Variants in FAM168A observed in about 807,000 individuals in gnomAD.
FAM168A encodes protein FAM168A.
A neutral mutation model predicts 28.5 loss-of-function variants in FAM168A; 3 were observed. That is an observed-to-expected ratio of 0.11 (90% CI 0.05 to 0.27). FAM168A has a LOEUF of 0.27. Ranked by LOEUF, FAM168A falls within the 10% of genes least tolerant of loss-of-function variation. The pLI is 1.00. For synonymous variants in FAM168A, 122 were observed against 124.2 expected, an observed-to-expected ratio of 0.98 and a Z score of 0.12; for missense variants, 222 against 311.5, an observed-to-expected ratio of 0.71 and a Z score of 2.16.
At chr11:73,510,921 G>T in intron 1 of FAM168A, 1 of 253,514 alleles carries the variant, frequency 3.9e-6, no homozygotes, top group Non-Finnish European at 7.5e-6. Context: ...GAATGGAAAA[G>T]TTGAAGCCAG....
chr11:73,451,662 C>T (rs1867432931), intron 2 of FAM168A, among the ~76,000 whole-genome samples: 1 of 152,220 alleles, frequency 6.6e-6, no homozygotes, highest in African/African-American at 2.4e-5. Flanking sequence ...GTTACAATTG[C>T]CTACATTATT....
At chr11:73,556,151 C>T (rs1213436795) in intron 1 of FAM168A, among the ~76,000 whole-genome samples, 4 of 1,998 alleles carry the variant, frequency 2.0e-3, no homozygotes, top group Non-Finnish European at 2.8e-3. Flanking sequence ...CAAGAACAGC[C>T]TGGGCAACAT....
chr11:73,566,237 T>C lies in FAM168A; in HGVS notation c.-19+31686A>G, dbSNP rs188813930. On this transcript the variant is annotated intron_variant, in intron 1 of 7. Coordinates refer to ENST00000356467, the MANE Select transcript of FAM168A (RefSeq NM_015159.3). ...GCATTTTTCCCTAAATTGTGTCTAT[T>C]GTAAATTAAAGTTATTCCTTTTCTA... is the stretch of plus-strand genomic sequence containing the variant. Among the ~76,000 whole-genome samples the C allele has an allele frequency of 2.6e-3, 390 of 152,358 alleles. 2 individuals are homozygous for C. The highest frequency in any genetic ancestry group is 0.01 in the East Asian group (52 of 5,192).
At chr11:73,456,820 T>C (rs1867541028) in intron 2 of FAM168A, among the ~76,000 whole-genome samples, 1 of 152,220 alleles carries the variant, frequency 6.6e-6, no homozygotes, top group Non-Finnish European at 1.5e-5. Flanking sequence ...TTTCAGAGAA[T>C]TTCAGCCTTT....
Position 73,560,895 on chromosome 11 carries a change from G to A in FAM168A, c.-19+37028C>T, listed in dbSNP as rs187446913. 3.7e-3 allele frequency among the ~76,000 whole-genome samples: 558 copies of A among 151,430 alleles called. 3 individuals carry two copies. The highest frequency in any genetic ancestry group is 0.013 in the African/African-American group (525 of 41,146). On this transcript the variant is annotated intron_variant, in intron 1 of 7. Transcript: ENST00000356467. ...CTGGCCAACCTGGTGAAAATGTCTC[G>A]ACTAAAAATACAAAAATTAGCCAGG...
At chr11:73,581,492 A>T (rs898010293) in intron 1 of FAM168A, among the ~76,000 whole-genome samples, 2 of 152,228 alleles carry the variant, frequency 1.3e-5, no homozygotes, top group African/African-American at 4.8e-5. Context: ...AGATTCACAG[A>T]GTACTTAAAC....
chr11:73,424,368 A>G (rs1181548542), intron 3 of FAM168A, among the ~76,000 whole-genome samples: 1 of 152,178 alleles, frequency 6.6e-6, no homozygotes, highest in Non-Finnish European at 1.5e-5. Context: ...GTCTATGACA[A>G]AAAGGACCTA....
rs192915116 is a variant in FAM168A at position 73,456,133 on chromosome 11, T to C, written c.70+12272A>G. 9.2e-5 allele frequency among the ~76,000 whole-genome samples: 14 copies of C among 152,280 alleles called. 1 individual carries two copies. In the East Asian group the frequency reaches 2.3e-3, roughly 25 times the overall value. On this transcript the variant is annotated intron_variant, in intron 2 of 7. Transcript: ENST00000356467. ...CATGAGGATTAAATGAAATAAAATATATAAAGCATGGATGCTTCAAAGATT... is the reference window on the plus strand; with the variant it reads ...CATGAGGATTAAATGAAATAAAATACATAAAGCATGGATGCTTCAAAGATT...
At chr11:73,432,639 C>T (rs1046046754) in intron 2 of FAM168A, among the ~76,000 whole-genome samples, 7 of 152,046 alleles carry the variant, frequency 4.6e-5, no homozygotes, top group Non-Finnish European at 7.4e-5. Flanking sequence ...TTTGGCCGGG[C>T]GCGGTGGCTC....
At chr11:73,494,315 A>G (rs891981744) in intron 1 of FAM168A, among the ~76,000 whole-genome samples, 1 of 152,220 alleles carries the variant, frequency 6.6e-6, no homozygotes, top group South Asian at 2.1e-4. Context: ...AGGCCCCTAG[A>G]GTCCCAGCCA....
At chr11:73,459,732 G>A (rs901384214) in intron 2 of FAM168A, among the ~76,000 whole-genome samples, 1 of 152,138 alleles carries the variant, frequency 6.6e-6, no homozygotes, top group African/African-American at 2.4e-5. Flanking sequence ...AATAATTGCT[G>A]TAAACCAAGT....
intron 1 of FAM168A, among the ~76,000 whole-genome samples, chr11:73,504,871 GGGA>G (rs545931192): frequency 6.6e-5 from 10 of 152,222 alleles, no homozygotes; most frequent in African/African-American, 2.4e-4. Flanking sequence ...GGATGAACCT[GGGA>G]GACATCATCC....
At chr11:73,415,947 G>C (rs2134489044) in intron 4 of FAM168A, among the ~76,000 whole-genome samples, 1 of 152,320 alleles carries the variant, frequency 6.6e-6, no homozygotes, top group South Asian at 2.1e-4. Flanking sequence ...CAGAAGGACA[G>C]ATTTTCCCCA....
At chr11:73,555,238 G>C (rs1943876054) in intron 1 of FAM168A, among the ~76,000 whole-genome samples, 1 of 152,142 alleles carries the variant, frequency 6.6e-6, no homozygotes, top group Non-Finnish European at 1.5e-5. Context: ...CAGAGGACCT[G>C]AATATCTGGT....
chr11:73,530,793 GATAA>G (rs1239449211), intron 1 of FAM168A, among the ~76,000 whole-genome samples: 11 of 152,096 alleles, frequency 7.2e-5, no homozygotes, highest in African/African-American at 2.7e-4. Context: ...GACTAAGTAG[GATAA>G]ATGTTATGAT....
chr11:73,414,260 A>G (rs531078165), intron 4 of FAM168A, among the ~76,000 whole-genome samples: 2 of 152,350 alleles, frequency 1.3e-5, no homozygotes, highest in East Asian at 3.9e-4. Context: ...ACATCCATTC[A>G]TTTACATATT....
rs1867230832 is a variant in FAM168A at position 73,442,991 on chromosome 11, TATA to T, written c.71-12224_71-12222del. Among the ~76,000 whole-genome samples the T allele has an allele frequency of 1.5e-5, 2 of 131,694 alleles. 1 individual carries two copies. The highest frequency in any genetic ancestry group is 5.7e-5 in the African/African-American group (2 of 34,886). The allele number at this position is 131,694 out of a possible 152,430, so 86.4% of individuals were successfully genotyped here. On this transcript the variant is annotated intron_variant, in intron 2 of 7. Coordinates refer to ENST00000356467, the MANE Select transcript of FAM168A (RefSeq NM_015159.3). ...ATATATATATATATATATATATATA[TATA>T]TATGCCAAGCCTTTTTTCCACCCTT... is the stretch of plus-strand genomic sequence containing the variant.
At chr11:73,476,070 T>C (rs77409996) in intron 1 of FAM168A, among the ~76,000 whole-genome samples, 4,519 of 152,228 alleles carry the variant, frequency 0.03, 223 homozygotes, top group African/African-American at 0.1. Context: ...GGATCCCTAG[T>C]GGTCTGTAAA....
chr11:73,502,958 T>G (rs1228575667), intron 1 of FAM168A, among the ~76,000 whole-genome samples: 1 of 152,184 alleles, frequency 6.6e-6, no homozygotes, highest in East Asian at 1.9e-4. Context: ...CATGGCTTCA[T>G]GTTAAAAACT....
Sources: gnomAD v4.1 joint callset for allele counts (sites outside exome capture counted in the v4.1 genomes callset) on GRCh38, gnomAD v4.1.1 for gene constraint, MANE v1.5 for transcripts, NCBI Gene and HGNC (gene_info 2026-07-23, HGNC 2026-07-21) for gene names.